Variants in SPTB observed in about 807,000 individuals in gnomAD.
SPTB encodes the protein spectrin beta chain, erythrocytic.
SPTB carries 45 observed loss-of-function variants against 256.2 expected under a neutral mutation model. That is an observed-to-expected ratio of 0.18 (90% CI 0.14 to 0.23). SPTB has a LOEUF of 0.23. Ranked by LOEUF, SPTB falls within the 10% of genes least tolerant of loss-of-function variation. The pLI, the probability that SPTB is intolerant of heterozygous loss-of-function variation, is 1.00. For missense variants in SPTB, 2,715 were observed against 3,040.4 expected (o/e 0.89, Z 2.52); for synonymous variants, 1,231 against 1,243.1 (o/e 0.99, Z 0.21).
chr14:64,766,069 G>C (rs897225661), intron 32 of SPTB, among the ~76,000 whole-genome samples: 51 of 130,260 alleles, frequency 3.9e-4, no homozygotes, highest in Admixed American at 2.1e-4. Context: ...TGTATGGGGG[G>C]TGTGGTCTGT....
intron 3 of SPTB, 142 bp from the exon 4 acceptor site, chr14:64,803,922 C>G: frequency 2.4e-6 from 2 of 840,832 alleles, no homozygotes; most frequent in Non-Finnish European, 3.7e-6. Context: ...TTCATTGACA[C>G]TATTCAATGC....
In SPTB at chr14:64,795,680, C is replaced by T. The variant is rs781484146; in HGVS notation, c.1342-41G>A. 1 of 1,608,110 alleles carries T rather than the reference C, an allele frequency of 6.2e-7. No individual in the cohort carries two copies. The highest frequency in any genetic ancestry group is 8.5e-7 in the Non-Finnish European group (1 of 1,176,360). The stretch of plus-strand genomic sequence containing the variant: ...AAAAACAGGCAGCTCAGTCAGACAC[C>T]CAGGGGCTCATCCCCAAACTCAGGG... On this transcript the variant is annotated intron_variant, in intron 11 of 35. Transcript: ENST00000644917. This position sits in a 1 kb window ranked among gnomAD's most constrained non-coding sequence, Gnocchi z 6.5.
rs229591 is a variant in SPTB, at chr14:64,793,509, T to G, written c.2154A>C (p.Ile718=). ...QFGHPQIEAR[I]KEVSAQWDQL... ...GGTCCCACTGTGCCGACACCTCCTT[T>G]ATGCGGGCCTCGATCTGCGGGTGCC... Residue 718 remains isoleucine, a synonymous_variant, in exon 14 of 36, where the codon ATA becomes ATC. Coordinates refer to ENST00000644917, the MANE Select transcript of SPTB (RefSeq NM_001355436.2). The surrounding 1 kb of genome is among the most constrained non-coding windows in gnomAD (Gnocchi z 7.0). 0.38 allele frequency: 612,304 copies of G among 1,613,834 alleles called. 121,799 individuals are homozygous for G. Among genetic ancestry groups the G allele is most frequent in the African/African-American group, 0.66 (49,188 of 74,952 alleles).
intron 15 of SPTB, among the ~76,000 whole-genome samples, chr14:64,788,813 A>G (rs140243650): frequency 3.7e-4 from 56 of 152,152 alleles, no homozygotes; most frequent in Non-Finnish European, 3.4e-4. Context: ...TGATAGAGCC[A>G]CTCTAGTTAT....
chr14:64,854,412 G>A (rs2083838573), intron 1 of SPTB, among the ~76,000 whole-genome samples: 1 of 147,942 alleles, frequency 6.8e-6, no homozygotes, highest in African/African-American at 2.5e-5. Flanking sequence ...CCGAGTAGCT[G>A]AGACTACAGG....
At chr14:64,854,401 C>G (rs1160556965) in intron 1 of SPTB, among the ~76,000 whole-genome samples, 1 of 147,792 alleles carries the variant, frequency 6.8e-6, no homozygotes, top group Non-Finnish European at 1.5e-5. Context: ...GCCTCAGCCT[C>G]CCGAGTAGCT....
Position 64,809,839 on chromosome 14 carries a change from G to A in SPTB, c.149-4749C>T, listed in dbSNP as rs901540579. On this transcript the variant is annotated intron_variant, in intron 2 of 35. Coordinates refer to ENST00000644917, the MANE Select transcript of SPTB (RefSeq NM_001355436.2). ...ATGCATACGAAGAAAACCTTAAAAGGCTCCTGAGGCAGGCACAAGAAAATC... is the reference window on the plus strand; with the variant it reads ...ATGCATACGAAGAAAACCTTAAAAGACTCCTGAGGCAGGCACAAGAAAATC... Among the ~76,000 whole-genome samples the A allele has an allele frequency of 9.2e-5, 14 of 152,206 alleles. No homozygotes were observed. In the East Asian group the frequency reaches 2.1e-3, roughly 23 times the overall value.
Position 64,804,684 on chromosome 14 carries a change from C to T in SPTB, c.300+255G>A, listed in dbSNP as rs3825645. 0.046 allele frequency among the ~76,000 whole-genome samples: 7,073 copies of T among 152,240 alleles called. 230 individuals carry two copies. Among genetic ancestry groups the T allele is most frequent in the East Asian group, 0.18 (933 of 5,174 alleles). ...AGGCCAGCTACAGATGCCCAGAGCC[C>T]AAAGTCAGGAGCTCTGCATGGCTTC... On this transcript the variant is annotated intron_variant, in intron 3 of 35. Coordinates refer to ENST00000644917, the MANE Select transcript of SPTB (RefSeq NM_001355436.2).
At chr14:64,803,548 C>T in intron 4 of SPTB, 59 bp downstream of exon 4, 1 of 1,606,194 alleles carries the variant, frequency 6.2e-7, no homozygotes, top group Non-Finnish European at 8.5e-7. Flanking sequence ...TTATAAGATT[C>T]TAAGGCCCTG....
chr14:64,751,416 G>GA (rs2081948785), intron 33 of SPTB, among the ~76,000 whole-genome samples: 1 of 151,928 alleles, frequency 6.6e-6, no homozygotes, highest in South Asian at 2.1e-4. Context: ...CACCACGCCC[G>GA]GCCCCTATCC....
At chr14:64,765,017 A>AGTGT (rs749379191) in intron 32 of SPTB, among the ~76,000 whole-genome samples, 1 of 108,822 alleles carries the variant, frequency 9.2e-6, no homozygotes, top group Non-Finnish European at 1.7e-5. Flanking sequence ...GCCACAGAGG[A>AGTGT]GTGTGTGCGT....
Position 64,785,945 on chromosome 14 carries a change from T to C in SPTB, c.3568A>G (p.Thr1190Ala), listed in dbSNP as rs201441326. 14 of 1,613,592 alleles carry C rather than the reference T, an allele frequency of 8.7e-6. No homozygotes were observed. Among genetic ancestry groups the C allele is most frequent in the African/African-American group, 5.3e-5 (4 of 74,858 alleles). Reference protein sequence around the residue: ...AEAILSNQEYTLAHLEPPDSL... With the variant: ...AEAILSNQEYALAHLEPPDSL... ...TCTGGGGGCTCCAAGTGAGCCAGAG[T>C]GTATTCCTGTTGGAACAAGTTTCCA... Residue 1190 changes from threonine to alanine, a missense_variant, in exon 17 of 36, where the codon ACT (threonine) becomes GCT (alanine). Around this residue, in one of 4 missense-constraint regions of SPTB, gnomAD observed 2,239 missense variants for 2,384.4 expected, o/e 0.94. Transcript: ENST00000644917. This position sits in a 1 kb window ranked among gnomAD's most constrained non-coding sequence, Gnocchi z 4.4.
chr14:64,775,191 A>C lies in SPTB; in HGVS notation c.4776T>G (p.Asp1592Glu). The change falls in exon 23 of 36, where the codon GAT (aspartate) becomes GAG (glutamate). Residue 1592 changes from aspartate to glutamate, a missense_variant. Around this residue, in one of 4 missense-constraint regions of SPTB, gnomAD observed 2,239 missense variants for 2,384.4 expected, o/e 0.94. Transcript: ENST00000644917. This position sits in a 1 kb window ranked among gnomAD's most constrained non-coding sequence, Gnocchi z 5.0. ...DANEAQQYYL[D>E]ADEAEAWIGE... is the part of the protein sequence containing the mutation. Reference sequence around the variant, plus strand: ...CAATCCAGGCCTCAGCCTCGTCTGCATCCAGGTAGTACTGCTGTGCCTCGT... The same window carrying C: ...CAATCCAGGCCTCAGCCTCGTCTGCCTCCAGGTAGTACTGCTGTGCCTCGT... The C allele has an allele frequency of 6.2e-7, 1 of 1,613,974 alleles. No homozygotes were observed. Among genetic ancestry groups the C allele is most frequent in the Non-Finnish European group, 8.5e-7 (1 of 1,180,044 alleles).
At chr14:64,769,502 G>C in intron 28 of SPTB, 88 bp downstream of exon 28, 1 of 1,547,188 alleles carries the variant, frequency 6.5e-7, no homozygotes, top group Non-Finnish European at 8.8e-7. Flanking sequence ...AAAAGCTGCA[G>C]CTCTCATCTC....
In SPTB at chr14:64,774,299, T is replaced by A. The variant is rs922216956; in HGVS notation, c.4973+98A>T. 4.1e-6 allele frequency: 6 copies of A among 1,453,346 alleles called. No individual in the cohort carries two copies. In the South Asian group the frequency reaches 7.8e-5, roughly 19 times the overall value. 90.0% of individuals were successfully genotyped at this position (1,453,346 alleles called of 1,614,324 possible). A position where few individuals can be genotyped will look rare whatever the true frequency, so the allele number is the denominator to read the frequency against. ...CTCCAGCCCTATTTGATGGGAAAAC[T>A]CTTTCCATTTTCCTTTTAAATCTGA... On this transcript the variant is annotated intron_variant, in intron 24 of 35. Transcript: ENST00000644917.
At chr14:64,776,400 T>G (rs1031987866) in intron 22 of SPTB, among the ~76,000 whole-genome samples, 82 of 152,330 alleles carry the variant, frequency 5.4e-4, no homozygotes, top group African/African-American at 1.8e-3. Context: ...CTCCATTTGC[T>G]TGTTTACTCT....
intron 1 of SPTB, among the ~76,000 whole-genome samples, chr14:64,871,427 A>G (rs1414918004): frequency 6.6e-6 from 1 of 152,192 alleles, no homozygotes; most frequent in Non-Finnish European, 1.5e-5. Context: ...ATGAGTTTGG[A>G]TTTCTACCTC....
At chr14:64,773,539 G>A in intron 24 of SPTB, 115 bp from the exon 25 acceptor site, 1 of 1,124,332 alleles carries the variant, frequency 8.9e-7, no homozygotes, top group Non-Finnish European at 1.3e-6. Context: ...GGTAGGGAGT[G>A]AAGCTCTGGA....
At chr14:64,808,993 G>A (rs753708767) in intron 2 of SPTB, among the ~76,000 whole-genome samples, 2 of 152,038 alleles carry the variant, frequency 1.3e-5, no homozygotes, top group African/African-American at 2.4e-5. Context: ...GGGCATGGTG[G>A]CTCACGCCTG....
Sources: gnomAD v4.1 joint callset for allele counts (sites outside exome capture counted in the v4.1 genomes callset) on GRCh38, gnomAD v4.1.1 for gene constraint, gnomAD v4.1.1 regional missense constraint, Gnocchi (gnomAD v3.1) non-coding constraint, MANE v1.5 for transcripts, NCBI Gene and HGNC (gene_info 2026-07-23, HGNC 2026-07-21) for gene names.